Variants in CNGB3 observed in about 807,000 individuals in gnomAD.
CNGB3 encodes cyclic nucleotide gated channel subunit beta 3, also known as cyclic nucleotide-gated channel beta-3.
A neutral mutation model predicts 92.8 loss-of-function variants in CNGB3; 86 were observed. That is an observed-to-expected ratio of 0.93 (90% CI 0.78 to 1.11). The LOEUF (loss-of-function observed/expected upper bound fraction) is 1.11. Among genes scored for constraint, CNGB3 ranks in the 50% least tolerant of loss-of-function variants. The pLI is 0.00. For missense variants in CNGB3, 1,026 were observed against 956.8 expected, an observed-to-expected ratio of 1.07 and a Z score of -0.95; for synonymous variants, 333 against 332.7, an observed-to-expected ratio of 1.00 and a Z score of -0.01.
At chr8:86,659,257 C>T in intron 6 of CNGB3, 1 of 778,550 alleles carries the variant, frequency 1.3e-6, no homozygotes, top group Non-Finnish European at 2.3e-6. Context: ...TGGTCTTTCT[C>T]CATCTGTAGC....
chr8:86,593,605 T>C (rs1335645456), intron 15 of CNGB3: 2 of 430,282 alleles, frequency 4.6e-6, no homozygotes, highest in African/African-American at 4.0e-5. Context: ...CAAATGGCCA[T>C]GAGAGGTGGT....
intron 2 of CNGB3, among the ~76,000 whole-genome samples, chr8:86,735,566 T>C (rs1311050600): frequency 6.6e-6 from 1 of 152,158 alleles, no homozygotes; most frequent in Admixed American, 6.5e-5. Flanking sequence ...CCTTTCTTTC[T>C]TTTCCAGCTT....
At chr8:86,576,198 T>G (rs1821659334) in intron 17 of CNGB3, 68 bp from the exon 18 acceptor site, 2 of 1,498,970 alleles carry the variant, frequency 1.3e-6, no homozygotes, top group African/African-American at 1.4e-5. Context: ...AGATTTTGAT[T>G]AGCATGCAAT....
chr8:86,619,819 A>C (rs1041483660), intron 13 of CNGB3, among the ~76,000 whole-genome samples: 1 of 140,206 alleles, frequency 7.1e-6, no homozygotes, highest in South Asian at 2.2e-4. Context: ...CTGCAGCCTC[A>C]ACCTCCTGGG....
chr8:86,680,805 A>G (rs1824068437), intron 3 of CNGB3, among the ~76,000 whole-genome samples: 1 of 152,054 alleles, frequency 6.6e-6, no homozygotes, highest in Non-Finnish European at 1.5e-5. Flanking sequence ...GGGGAGGTGG[A>G]GTGAGAGGAG....
chr8:86,618,775 G>A (rs1171110011), intron 13 of CNGB3, among the ~76,000 whole-genome samples: 3 of 152,206 alleles, frequency 2.0e-5, no homozygotes, highest in Non-Finnish European at 4.4e-5. Context: ...TCACTCTCAC[G>A]TTCTGATTTC....
intron 15 of CNGB3, among the ~76,000 whole-genome samples, chr8:86,598,668 C>G (rs1416062158): frequency 6.6e-6 from 1 of 152,194 alleles, no homozygotes; most frequent in Non-Finnish European, 1.5e-5. Flanking sequence ...TGCTGCCAGG[C>G]ATTTCTTGGC....
At chr8:86,594,531 G>C in intron 15 of CNGB3, 1 of 331,738 alleles carries the variant, frequency 3.0e-6, no homozygotes, top group South Asian at 2.7e-5. Context: ...GCAGCCTCTT[G>C]GTCCACTTCA....
intron 3 of CNGB3, among the ~76,000 whole-genome samples, chr8:86,696,442 G>C (rs1004855015): frequency 1.3e-5 from 2 of 152,080 alleles, no homozygotes; most frequent in East Asian, 1.9e-4. Flanking sequence ...TTTTTGGCTG[G>C]TTTTTGGCAT....
In CNGB3 at chr8:86,604,152, G is replaced by A. The variant is rs1822367999; in HGVS notation, c.1722C>T (p.Gly574=). ...IKHGEVQVLG[G]PDGTKVLVTL... Reference sequence around the variant, plus strand: ...TAACCAGAACTTTAGTACCATCAGGGCCTCCAAGAACTTGGACTTCTCCAT... The same window carrying A: ...TAACCAGAACTTTAGTACCATCAGGACCTCCAAGAACTTGGACTTCTCCAT... Residue 574 remains glycine (G), a synonymous_variant, in exon 15 of 18, where the codon GGC becomes GGT. Coordinates refer to ENST00000320005, the MANE Select transcript of CNGB3 (RefSeq NM_019098.5). The A allele has an allele frequency of 3.1e-6, 5 of 1,613,506 alleles. No individual in the cohort carries two copies. Among genetic ancestry groups the A allele is most frequent in the Admixed American group, 1.7e-5 (1 of 59,988 alleles).
chr8:86,704,097 C>A lies in CNGB3; in HGVS notation c.338+22434G>T, dbSNP rs558476111. On this transcript the variant is annotated intron_variant, in intron 3 of 17. Transcript: ENST00000320005. ...CTAATAGCCTACTGTTGGCCAGAAG[C>A]CTTACTTGTTCATATGGATGGGTAC... The A allele has an allele frequency of 2.6e-5, 4 of 152,262 alleles. No individual in the cohort carries two copies. The East Asian group carries it at 7.7e-4, about 29-fold the overall frequency. The allele number at this position is 152,262 out of a possible 1,614,324, so 9.4% of individuals were successfully genotyped here. A position where few individuals can be genotyped will look rare whatever the true frequency, so the allele number is the denominator to read the frequency against.
At chr8:86,689,601 G>T (rs956491557) in intron 3 of CNGB3, among the ~76,000 whole-genome samples, 11 of 150,540 alleles carry the variant, frequency 7.3e-5, no homozygotes, top group Non-Finnish European at 1.5e-4. Context: ...TAGGGTACAT[G>T]TGCACAACGT....
chr8:86,640,302 T>C (rs1823156215), intron 10 of CNGB3, among the ~76,000 whole-genome samples: 1 of 152,120 alleles, frequency 6.6e-6, no homozygotes, highest in South Asian at 2.1e-4. Context: ...TAGGAGGCCA[T>C]TGGTTTGGAC....
At chr8:86,720,710 C>A (rs1466617471) in intron 3 of CNGB3, among the ~76,000 whole-genome samples, 1 of 151,850 alleles carries the variant, frequency 6.6e-6, no homozygotes, top group African/African-American at 2.4e-5. Flanking sequence ...ATGTTTATAG[C>A]AGCACAATTT....
intron 10 of CNGB3, among the ~76,000 whole-genome samples, chr8:86,635,601 C>G (rs1300117950): frequency 6.6e-6 from 1 of 151,492 alleles, no homozygotes. Flanking sequence ...TTTTCTCAGT[C>G]ACATCTTACA....
In CNGB3 at chr8:86,743,496, T is replaced by C. The variant is rs199752239; in HGVS notation, c.129+3A>G. On this transcript the variant is annotated splice_donor_region_variant and intron_variant, in intron 1 of 17. Coordinates refer to ENST00000320005, the MANE Select transcript of CNGB3 (RefSeq NM_019098.5). ...GGCTTGCATAGGAATGTAGAGGACA[T>C]ACCTGTGCTGTGGTTTGCTGAGACT... The C allele has an allele frequency of 6.2e-7, 1 of 1,613,974 alleles. No homozygotes were observed. The highest frequency in any genetic ancestry group is 8.5e-7 in the Non-Finnish European group (1 of 1,179,868).
intron 3 of CNGB3, among the ~76,000 whole-genome samples, chr8:86,684,973 C>T (rs552307087): frequency 1.3e-5 from 2 of 152,050 alleles, no homozygotes; most frequent in South Asian, 2.1e-4. Context: ...CAAACACACA[C>T]GCATGGATGA....
At chr8:86,596,326 A>G (rs56726326) in intron 15 of CNGB3, among the ~76,000 whole-genome samples, 1,770 of 152,310 alleles carry the variant, frequency 0.012, 32 homozygotes, top group African/African-American at 0.039. Context: ...TAATCTGCCC[A>G]TATATTACAA....
At chr8:86,733,684 T>C (rs1270857664) in intron 2 of CNGB3, among the ~76,000 whole-genome samples, 5 of 152,220 alleles carry the variant, frequency 3.3e-5, no homozygotes. Flanking sequence ...TGGTTGGTCG[T>C]ACACGGTAAA....
Sources: gnomAD v4.1 joint callset for allele counts (sites outside exome capture counted in the v4.1 genomes callset) on GRCh38, gnomAD v4.1.1 for gene constraint, MANE v1.5 for transcripts, NCBI Gene and HGNC (gene_info 2026-07-23, HGNC 2026-07-21) for gene names.